Variants in PSD3 observed in about 807,000 individuals in gnomAD.
The protein encoded by PSD3 is PH and SEC7 domain-containing protein 3.
A neutral mutation model predicts 105.5 loss-of-function variants in PSD3; 49 were observed. The ratio of observed to expected loss-of-function variants is 0.46; its 90% CI spans 0.37 to 0.59. The LOEUF (loss-of-function observed/expected upper bound fraction) is 0.59, where lower values mean the gene tolerates loss of function less well. Ranked by LOEUF, PSD3 falls within the 20% of genes least tolerant of loss-of-function variation. The probability of loss-of-function intolerance (pLI) is 0.00; values close to 1 mark genes in which losing one functional copy is unlikely to be tolerated. For missense variants in PSD3, 1,561 were observed against 1,263.8 expected, an observed-to-expected ratio of 1.24 and a Z score of -3.57; for synonymous variants, 557 against 457.8, an observed-to-expected ratio of 1.22 and a Z score of -2.77.
intron 1 of PSD3, among the ~76,000 whole-genome samples, chr8:18,965,879 G>A (rs1212729735): frequency 6.6e-6 from 1 of 152,230 alleles, no homozygotes; most frequent in African/African-American, 2.4e-5. Flanking sequence ...TGCCAGGCCT[G>A]AGTTAAGCTC....
At chr8:19,008,521 A>G (rs1826805054) in intron 1 of PSD3, among the ~76,000 whole-genome samples, 1 of 152,226 alleles carries the variant, frequency 6.6e-6, no homozygotes, top group Non-Finnish European at 1.5e-5. Context: ...CTATGACTCA[A>G]TCAAAACTGT....
chr8:18,824,553 T>C (rs1270929659), intron 4 of PSD3, among the ~76,000 whole-genome samples: 1 of 152,232 alleles, frequency 6.6e-6, no homozygotes, highest in Non-Finnish European at 1.5e-5. Context: ...AAGACTTTAA[T>C]GGTTTCTGCT....
At chr8:18,740,431 G>A (rs1804476624) in intron 9 of PSD3, among the ~76,000 whole-genome samples, 1 of 152,100 alleles carries the variant, frequency 6.6e-6, no homozygotes, top group African/African-American at 2.4e-5. Context: ...GGTTTCATTT[G>A]CAAAATTCTC....
At position 19,083,666 on chromosome 8, in the gene PSD3, GCTCCCTGGAGC is replaced by G. The variant is rs539320574; in HGVS notation, c.324+529_324+539del. Among the ~76,000 whole-genome samples, 32 of 152,228 alleles carry G rather than the reference GCTCCCTGGAGC, an allele frequency of 2.1e-4. 1 individual carries two copies. The highest frequency in any genetic ancestry group is 2.1e-3 in the Admixed American group (32 of 15,300). Reference sequence around the variant, plus strand: ...TGCTCCGGTTCTGGAAACCTCCACAGCTCCCTGGAGCCTCCCCCATTGTTCCCAATGCCCAT... The same window carrying G: ...TGCTCCGGTTCTGGAAACCTCCACAGCTCCCCCATTGTTCCCAATGCCCAT... On this transcript the variant is annotated intron_variant, in intron 1 of 1. Coordinates refer to the PSD3 transcript ENST00000521475.
At chr8:18,613,854 A>T (rs548805345) in intron 11 of PSD3, among the ~76,000 whole-genome samples, 18 of 152,286 alleles carry the variant, frequency 1.2e-4, no homozygotes, top group Admixed American at 3.3e-4. Context: ...AAAACAGCTG[A>T]ATTTCACCAG....
chr8:18,896,562 C>A lies in PSD3; in HGVS notation c.131-23829G>T, dbSNP rs947998891. The stretch of plus-strand genomic sequence containing the variant: ...CCAAGTAGCAGGGACTACAGGCACA[C>A]ACCACCACCTCAGCTAATTTTTGTA... On this transcript the variant is annotated intron_variant, in intron 2 of 15. Transcript: ENST00000327040. Among the ~76,000 whole-genome samples the A allele has an allele frequency of 9.9e-5, 15 of 152,140 alleles. No homozygotes were observed. The South Asian group carries it at 2.9e-3, about 30-fold the overall frequency.
At chr8:18,756,848 C>T (rs537240110) in intron 9 of PSD3, among the ~76,000 whole-genome samples, 135 of 148,732 alleles carry the variant, frequency 9.1e-4, no homozygotes, top group African/African-American at 2.8e-3. Flanking sequence ...AATGATCACC[C>T]GGAGGCGCCA....
chr8:18,815,474 A>G (rs558303786), intron 4 of PSD3, among the ~76,000 whole-genome samples: 38 of 152,006 alleles, frequency 2.5e-4, no homozygotes, highest in African/African-American at 2.4e-5. Context: ...ATGCCTGGCT[A>G]ATTTTTTTGT....
At chr8:18,545,114 C>G (rs888043913) in intron 15 of PSD3, among the ~76,000 whole-genome samples, 1 of 152,182 alleles carries the variant, frequency 6.6e-6, no homozygotes, top group Non-Finnish European at 1.5e-5. Context: ...TTCTCTCATT[C>G]TTTACACTGT....
chr8:19,050,664 C>G (rs138009163), intron 1 of PSD3, among the ~76,000 whole-genome samples: 1,892 of 152,136 alleles, frequency 0.012, 18 homozygotes, highest in Non-Finnish European at 0.02. Context: ...GGAAGGGGAA[C>G]ATCACACTCT....
At chr8:18,917,775 C>T (rs1247529964) in intron 2 of PSD3, among the ~76,000 whole-genome samples, 1 of 152,110 alleles carries the variant, frequency 6.6e-6, no homozygotes, top group Non-Finnish European at 1.5e-5. Context: ...AGAAAATCTC[C>T]AAGGATGGCA....
chr8:18,669,794 G>GT (rs1344139141), intron 9 of PSD3, among the ~76,000 whole-genome samples: 1 of 152,180 alleles, frequency 6.6e-6, no homozygotes, highest in African/African-American at 2.4e-5. Flanking sequence ...TCCCGTAATG[G>GT]TATAGCATAT....
At chr8:18,563,539 G>C (rs1296881052) in intron 14 of PSD3, among the ~76,000 whole-genome samples, 4 of 152,126 alleles carry the variant, frequency 2.6e-5, no homozygotes, top group African/African-American at 4.8e-5. Context: ...ACCTGTCTTT[G>C]AGTCAGTTTG....
rs1030445539 is a variant in PSD3 at position 18,659,969 on chromosome 8, T to C, written c.2173-4284A>G. On this transcript the variant is annotated intron_variant, in intron 9 of 15. Transcript: ENST00000327040. ...GTGGAGAAAGTTACCACATGGACCT[T>C]AATGGGACAGGGCAGCCCATATGAA... 2.6e-5 allele frequency among the ~76,000 whole-genome samples: 4 copies of C among 152,098 alleles called. No individual in the cohort carries two copies. In the East Asian group the frequency reaches 5.8e-4, roughly 22 times the overall value.
chr8:18,535,437 C>A lies in PSD3; in HGVS notation c.*306G>T, dbSNP rs935943239. On this transcript the variant is annotated 3_prime_UTR_variant, in exon 16 of 16. Coordinates refer to ENST00000327040, the MANE Select transcript of PSD3 (RefSeq NM_015310.4). ...GTTGATATGAGAATACATAAAACAA[C>A]TGAGCAGACTGCAAACAAGAGAAAA... The A allele has an allele frequency of 3.5e-5, 12 of 346,190 alleles. No individual in the cohort carries two copies. Among genetic ancestry groups the A allele is most frequent in the African/African-American group, 2.3e-4 (11 of 48,448 alleles). The allele number at this position is 346,190 out of a possible 1,614,324, so 21.4% of individuals were successfully genotyped here. A position where few individuals can be genotyped will look rare whatever the true frequency, so the allele number is the denominator to read the frequency against.
chr8:18,765,721 T>C (rs1337688172), intron 8 of PSD3, among the ~76,000 whole-genome samples, 183 bp from the exon 9 acceptor site: 1 of 151,876 alleles, frequency 6.6e-6, no homozygotes, highest in Admixed American at 6.6e-5. Flanking sequence ...GGTCAGGAGA[T>C]AGAGACCATC....
intron 11 of PSD3, among the ~76,000 whole-genome samples, chr8:18,626,804 G>A (rs940942140): frequency 5.3e-5 from 8 of 152,054 alleles, no homozygotes; most frequent in Non-Finnish European, 1.0e-4. Flanking sequence ...AACAAATGAG[G>A]TTGGTGGGGG....
At chr8:18,879,593 T>C (rs1305365998) in intron 2 of PSD3, among the ~76,000 whole-genome samples, 1 of 151,876 alleles carries the variant, frequency 6.6e-6, no homozygotes, top group East Asian at 1.9e-4. Context: ...CATCATTGCT[T>C]TTTTTTTCTT....
At chr8:19,051,558 T>C (rs1188046433) in intron 1 of PSD3, among the ~76,000 whole-genome samples, 1 of 152,194 alleles carries the variant, frequency 6.6e-6, no homozygotes, top group Non-Finnish European at 1.5e-5. Flanking sequence ...TTTCTTCCTT[T>C]CTATTCTTTC....
Sources: gnomAD v4.1 joint callset for allele counts (sites outside exome capture counted in the v4.1 genomes callset) on GRCh38, gnomAD v4.1.1 for gene constraint, MANE v1.5 for transcripts, NCBI Gene and HGNC (gene_info 2026-07-23, HGNC 2026-07-21) for gene names.